The following ACSM6 variants were observed in gnomAD, a reference collection of about 807,000 sequenced individuals.
The protein encoded by ACSM6 is acyl-coenzyme A synthetase ACSM6, mitochondrial.
ACSM6 carries 35 observed loss-of-function variants against 51.1 expected under a neutral mutation model. That is an observed-to-expected ratio of 0.69 (90% CI 0.52 to 0.91). ACSM6 has a LOEUF of 0.91. ACSM6 is among the 40% of genes least tolerant of loss of function. The pLI is 0.00. For synonymous variants in ACSM6, 172 were observed against 207.3 expected (o/e 0.83, Z 1.46); for missense variants, 509 against 584.1 (o/e 0.87, Z 1.32).
chr10:95,200,784 G>A (rs560957273), intron 2 of ACSM6, among the ~76,000 whole-genome samples: 86 of 151,234 alleles, frequency 5.7e-4, no homozygotes, highest in African/African-American at 2.0e-3. Flanking sequence ...AAGGAAAGGA[G>A]GGATGGGGAA....
chr10:95,200,111 T>C (rs945201180), intron 2 of ACSM6, among the ~76,000 whole-genome samples: 23 of 152,086 alleles, frequency 1.5e-4, no homozygotes, highest in African/African-American at 5.1e-4. Context: ...TGTCCAACAA[T>C]GATAGACTGG....
intron 2 of ACSM6, among the ~76,000 whole-genome samples, chr10:95,196,376 T>G (rs146858270): frequency 6.4e-4 from 97 of 152,318 alleles, no homozygotes; most frequent in Middle Eastern, 6.8e-3. Context: ...TAAACATTGG[T>G]TGTCTGAAGT....
chr10:95,217,165 T>A (rs2034953130), intron 8 of ACSM6, among the ~76,000 whole-genome samples: 1 of 149,450 alleles, frequency 6.7e-6, no homozygotes, highest in Non-Finnish European at 1.5e-5. Context: ...CTGGCCAACA[T>A]GTGAAACCCT....
chr10:95,211,925 A>T, exon 6 of ACSM6: 1 of 1,613,612 alleles, frequency 6.2e-7, no homozygotes, highest in Non-Finnish European at 8.5e-7. Flanking sequence ...AGTCTGGGTG[A>T]TGCCTTTGGT....
chr10:95,194,865 C>G (rs1032934201), intron 2 of ACSM6, among the ~76,000 whole-genome samples, 188 bp downstream of exon 2: 2 of 152,220 alleles, frequency 1.3e-5, no homozygotes, highest in African/African-American at 2.4e-5. Context: ...GAAATCCTGG[C>G]TCTGCTGCTA....
chr10:95,207,726 T>G (rs1193096791), intron 4 of ACSM6, among the ~76,000 whole-genome samples: 1 of 152,046 alleles, frequency 6.6e-6, no homozygotes. Flanking sequence ...GGATAAAAAA[T>G]TAGGTAATAT....
At chr10:95,222,648 A>C (rs1480220808) in intron 9 of ACSM6, among the ~76,000 whole-genome samples, 1 of 151,688 alleles carries the variant, frequency 6.6e-6, no homozygotes, top group African/African-American at 2.4e-5. Context: ...AGTCTAACTC[A>C]TAGATCTGGA....
chr10:95,200,885 G>T (rs1351161320), intron 2 of ACSM6, among the ~76,000 whole-genome samples: 1 of 151,998 alleles, frequency 6.6e-6, no homozygotes, highest in Non-Finnish European at 1.5e-5. Context: ...AAAAAAGGGA[G>T]AAAAGAGCCT....
In ACSM6 at chr10:95,207,521, T is replaced by C. The variant is rs2034852412; in HGVS notation, c.611+106T>C. ...TGAGTGGTCAGAATGAAAAGCTGAA[T>C]GGCAATTTCTATGCAAGATTAGATG... On this transcript the variant is annotated intron_variant, in intron 4 of 10. Coordinates refer to ENST00000341686, the Ensembl canonical transcript of ACSM6. 3 of 1,178,446 alleles carry C rather than the reference T, an allele frequency of 2.5e-6. No individual in the cohort carries two copies. In the Admixed American group the frequency reaches 5.2e-5, roughly 20 times the overall value. 73.0% of individuals were successfully genotyped at this position (1,178,446 alleles called of 1,614,324 possible).
At position 95,202,215 on chromosome 10, in the gene ACSM6, C is replaced by T. The variant is rs1340104632; in HGVS notation, c.403+20C>T. 1.9e-6 allele frequency: 3 copies of T among 1,543,400 alleles called. No individual in the cohort carries two copies. Among genetic ancestry groups the T allele is most frequent in the Non-Finnish European group, 2.6e-6 (3 of 1,140,174 alleles). On this transcript the variant is annotated intron_variant, in intron 3 of 10. Coordinates refer to ENST00000341686, the Ensembl canonical transcript of ACSM6. ...GCTTGGGTGAGGCATGGGAGACGGA[C>T]CCCAGGGGTTGGAGGCTTATGTGAA...
At chr10:95,201,044 T>C (rs974579430) in intron 2 of ACSM6, among the ~76,000 whole-genome samples, 2 of 152,180 alleles carry the variant, frequency 1.3e-5, no homozygotes, top group Non-Finnish European at 1.5e-5. Flanking sequence ...TCTTTCCCCT[T>C]CAAAACTCGT....
At chr10:95,210,907 T>C in intron 5 of ACSM6, 114 bp downstream of exon 5, 2 of 1,266,940 alleles carry the variant, frequency 1.6e-6, no homozygotes. Flanking sequence ...GCAGAAAGTG[T>C]CAATATTGAG....
At chr10:95,200,861 G>A (rs2034788219) in intron 2 of ACSM6, among the ~76,000 whole-genome samples, 1 of 151,836 alleles carries the variant, frequency 6.6e-6, no homozygotes, top group South Asian at 2.1e-4. Flanking sequence ...AAGGAATAAA[G>A]GAGGGAAAGA....
chr10:95,195,848 A>AAG (rs2034720052), intron 2 of ACSM6, among the ~76,000 whole-genome samples: 1 of 152,246 alleles, frequency 6.6e-6, no homozygotes, highest in Non-Finnish European at 1.5e-5. Context: ...ACTTCTGTTT[A>AAG]GGAGACTTAA....
At chr10:95,219,270 T>C (rs930059973) in intron 8 of ACSM6, among the ~76,000 whole-genome samples, 1 of 152,172 alleles carries the variant, frequency 6.6e-6, no homozygotes, top group Non-Finnish European at 1.5e-5. Context: ...TTCCCATGCA[T>C]CCACTGCCCA....
chr10:95,200,456 C>T (rs996380068), intron 2 of ACSM6, among the ~76,000 whole-genome samples: 4 of 150,032 alleles, frequency 2.7e-5, no homozygotes, highest in African/African-American at 7.4e-5. Flanking sequence ...ATGTAACAAA[C>T]CTGCACATTG....
intron 3 of ACSM6, among the ~76,000 whole-genome samples, chr10:95,202,512 C>A (rs1477998653): frequency 1.3e-5 from 2 of 152,162 alleles, no homozygotes; most frequent in East Asian, 3.9e-4. Context: ...AGCTCATAGG[C>A]TGTTTATCAC....
intron 6 of ACSM6, among the ~76,000 whole-genome samples, chr10:95,212,372 T>C (rs1836834233): frequency 6.6e-6 from 1 of 152,202 alleles, no homozygotes; most frequent in Non-Finnish European, 1.5e-5. Context: ...AAGAACCCTG[T>C]GAGGGAAGAA....
At chr10:95,216,956 AAC>A (rs1474284781) in intron 8 of ACSM6, among the ~76,000 whole-genome samples, 1 of 152,200 alleles carries the variant, frequency 6.6e-6, no homozygotes, top group Non-Finnish European at 1.5e-5. Context: ...ATATGATGGA[AAC>A]ACCACAGATA....
Sources: gnomAD v4.1 joint callset for allele counts (sites outside exome capture counted in the v4.1 genomes callset) on GRCh38, gnomAD v4.1.1 for gene constraint, MANE v1.5 for transcripts, NCBI Gene and HGNC (gene_info 2026-07-23, HGNC 2026-07-21) for gene names.